CRYZL1: variants seen among roughly 807,000 people sequenced by gnomAD.
The protein encoded by CRYZL1 is ferry endosomal RAB5 effector complex subunit 4.
CRYZL1 carries 34 observed loss-of-function variants against 50.6 expected under a neutral mutation model. That is an observed-to-expected ratio of 0.67 (90% CI 0.51 to 0.89). The LOEUF is 0.89. Ranked by LOEUF, CRYZL1 falls within the 40% of genes least tolerant of loss-of-function variation. The pLI is 0.00. For missense variants in CRYZL1, 354 were observed against 402.3 expected, an observed-to-expected ratio of 0.88 and a Z score of 1.03; for synonymous variants, 125 against 134.3, an observed-to-expected ratio of 0.93 and a Z score of 0.48.
intron 12 of CRYZL1, 128 bp from the exon 13 acceptor site, chr21:33,590,049 G>T (rs1017910093): frequency 3.4e-6 from 2 of 581,616 alleles, no homozygotes. Context: ...ACAGAGTCTG[G>T]CTCTCTCATC....
intron 12 of CRYZL1, among the ~76,000 whole-genome samples, chr21:33,590,575 C>G (rs1286506173): frequency 6.6e-6 from 1 of 151,932 alleles, no homozygotes; most frequent in East Asian, 1.9e-4. Flanking sequence ...CCACCACGCT[C>G]AGCGAATTTT....
Position 33,602,283 on chromosome 21 carries a change from T to C in CRYZL1, c.528A>G (p.Ala176=), listed in dbSNP as rs1440168386. The change falls in exon 8 of 13, where the codon GCA becomes GCG. Residue 176 remains alanine (A), a synonymous_variant. Coordinates refer to ENST00000381554, the MANE Select transcript of CRYZL1 (RefSeq NM_145858.3). ...GGCACTGCTTATCTTCAAGGCTGCA[T>C]GCTGTTGAAATCACTTTGGCTCCTC... The part of the protein sequence containing the change: ...HHRGAKVIST[A]CSLEDKQCLE... The C allele has an allele frequency of 1.9e-6, 3 of 1,612,728 alleles. No individual in the cohort carries two copies. The highest frequency in any genetic ancestry group is 4.5e-5 in the East Asian group (2 of 44,894).
intron 2 of CRYZL1, among the ~76,000 whole-genome samples, chr21:33,630,189 G>A (rs1049435625): frequency 3.9e-5 from 6 of 152,156 alleles, no homozygotes; most frequent in African/African-American, 1.2e-4. Flanking sequence ...AACAAATGCC[G>A]GTAAGGATGT....
rs1175402162 is a variant in CRYZL1 at position 33,616,832 on chromosome 21, CTG to C, written c.218-84_218-83del. On this transcript the variant is annotated intron_variant, in intron 4 of 12. Transcript: ENST00000381554. ...ATCTATTAAAATACATTTTTAAAAT[CTG>C]TGGATTTGTAAAAAGACTGATTTTG... The C allele has an allele frequency of 3.2e-6, 4 of 1,248,162 alleles. No homozygotes were observed. The East Asian group carries it at 1.1e-4, about 34-fold the overall frequency. 77.3% of individuals were successfully genotyped at this position (1,248,162 alleles called of 1,614,324 possible).
rs1279798049 is a variant in CRYZL1, at chr21:33,595,546, T to TAA, written c.904+183_904+184dup. 4.8e-6 allele frequency: 6 copies of TAA among 1,258,134 alleles called. No individual in the cohort carries two copies. The East Asian group carries it at 1.4e-4, about 28-fold the overall frequency. The allele number at this position is 1,258,134 out of a possible 1,614,324, so 77.9% of individuals were successfully genotyped here. ...TTCTTCACCTGTGAAATGGGGATGA[T>TAA]AACAGTACTTACATCTCAAAAGGCT... On this transcript the variant is annotated intron_variant, in intron 11 of 12. Coordinates refer to ENST00000381554, the MANE Select transcript of CRYZL1 (RefSeq NM_145858.3).
intron 8 of CRYZL1, among the ~76,000 whole-genome samples, chr21:33,600,874 G>A (rs952820120): frequency 1.4e-5 from 2 of 144,228 alleles, no homozygotes; most frequent in Admixed American, 7.2e-5. Context: ...TGATCTGCCC[G>A]CCTTGGCCTC....
intron 6 of CRYZL1, among the ~76,000 whole-genome samples, chr21:33,605,944 AC>A (rs1423745989): frequency 4.6e-5 from 7 of 152,102 alleles, no homozygotes; most frequent in Non-Finnish European, 4.4e-5. Context: ...AGTAGTCAGC[AC>A]TGCATTTAGC....
At chr21:33,611,194 C>G (rs574214116) in intron 6 of CRYZL1, among the ~76,000 whole-genome samples, 1 of 152,252 alleles carries the variant, frequency 6.6e-6, no homozygotes, top group South Asian at 2.1e-4. Context: ...TAAAGGAGCC[C>G]GTGGCAGTCC....
intron 4 of CRYZL1, among the ~76,000 whole-genome samples, chr21:33,621,096 A>G (rs367829853): frequency 7.5e-5 from 11 of 147,480 alleles, no homozygotes; most frequent in East Asian, 4.2e-4. Context: ...TAGTAGAGAC[A>G]GGGTTTCACC....
chr21:33,636,899 G>A (rs1471396835), intron 1 of CRYZL1, among the ~76,000 whole-genome samples: 5 of 152,014 alleles, frequency 3.3e-5, no homozygotes, highest in African/African-American at 9.7e-5. Flanking sequence ...CTCCGCCTCC[G>A]GGGTTCACGC....
At chr21:33,638,325 G>A (rs946874721) in intron 1 of CRYZL1, among the ~76,000 whole-genome samples, 2 of 150,128 alleles carry the variant, frequency 1.3e-5, no homozygotes, top group Non-Finnish European at 2.9e-5. Context: ...TGATTCTCCT[G>A]CCCCAGCCTC....
chr21:33,596,731 G>A lies in CRYZL1; in HGVS notation c.798+549C>T, dbSNP rs542476143. On this transcript the variant is annotated intron_variant, in intron 10 of 12. Coordinates refer to ENST00000381554, the MANE Select transcript of CRYZL1 (RefSeq NM_145858.3). ...AAATTACACTTCATCGTCATTGAAAGGATGTCTCTACTAGGCAGTATTTCA... is the reference window on the plus strand; with the variant it reads ...AAATTACACTTCATCGTCATTGAAAAGATGTCTCTACTAGGCAGTATTTCA... Among the ~76,000 whole-genome samples the A allele has an allele frequency of 2.3e-4, 35 of 152,016 alleles. No individual in the cohort carries two copies. The South Asian group carries it at 2.5e-3, about 11-fold the overall frequency.
At chr21:33,626,308 G>A (rs965565204) in intron 2 of CRYZL1, among the ~76,000 whole-genome samples, 2 of 152,162 alleles carry the variant, frequency 1.3e-5, no homozygotes, top group African/African-American at 4.8e-5. Context: ...CTTAACATGT[G>A]CCTTGGGCAT....
intron 11 of CRYZL1, among the ~76,000 whole-genome samples, chr21:33,592,185 C>T (rs942435304): frequency 4.0e-5 from 6 of 150,600 alleles, no homozygotes; most frequent in Admixed American, 3.3e-4. Context: ...CTCTGTGGCC[C>T]AGGCTAGAGT....
intron 9 of CRYZL1, among the ~76,000 whole-genome samples, chr21:33,597,974 G>T (rs957533668): frequency 6.6e-6 from 1 of 152,072 alleles, no homozygotes; most frequent in African/African-American, 2.4e-5. Context: ...AACACACAAT[G>T]TATTCTGATA....
intron 6 of CRYZL1, among the ~76,000 whole-genome samples, chr21:33,607,424 A>G (rs1259517980): frequency 6.6e-6 from 1 of 152,116 alleles, no homozygotes; most frequent in East Asian, 1.9e-4. Flanking sequence ...AGATCACTTG[A>G]GCTCAGGAGT....
chr21:33,607,435 T>TA (rs762648074), intron 6 of CRYZL1, among the ~76,000 whole-genome samples: 32 of 152,018 alleles, frequency 2.1e-4, no homozygotes, highest in Non-Finnish European at 4.3e-4. Context: ...GCTCAGGAGT[T>TA]AGAGACCAGC....
Position 33,637,286 on chromosome 21 carries a change from A to T in CRYZL1, c.-7+4395T>A, listed in dbSNP as rs1254844387. ...CGGTGAAACCCCGTCTCTACTAAAA[A>T]TACAAAAAATTAGCCGGGCGTGGTG... On this transcript the variant is annotated intron_variant, in intron 1 of 12. Coordinates refer to ENST00000381554, the MANE Select transcript of CRYZL1 (RefSeq NM_145858.3). 2.6e-5 allele frequency among the ~76,000 whole-genome samples: 4 copies of T among 152,100 alleles called. No homozygotes were observed. In the East Asian group the frequency reaches 7.8e-4, roughly 30 times the overall value.
chr21:33,596,048 G>A, intron 10 of CRYZL1: 1 of 604,098 alleles, frequency 1.7e-6, no homozygotes, highest in South Asian at 1.9e-5. Flanking sequence ...GCAGATGCAA[G>A]GCCAATCTAG....
Sources: allele counts gnomAD v4.1 joint callset (sites outside exome capture counted in the v4.1 genomes callset), GRCh38; gene constraint gnomAD v4.1.1; transcripts MANE v1.5; gene names NCBI Gene and HGNC (gene_info 2026-07-23, HGNC 2026-07-21).